GATC: variants seen among roughly 807,000 people sequenced by gnomAD.
GATC encodes glutamyl-tRNA(Gln) amidotransferase subunit C, mitochondrial.
GATC carries 11 observed loss-of-function variants against 14.4 expected under a neutral mutation model. The ratio of observed to expected loss-of-function variants is 0.77; its 90% CI spans 0.48 to 1.27. The LOEUF (loss-of-function observed/expected upper bound fraction) is 1.27, where lower values mean the gene tolerates loss of function less well. Among genes scored for constraint, GATC ranks in the 50% most tolerant of loss-of-function variants. The pLI, the probability that GATC is intolerant of heterozygous loss-of-function variation, is 0.00. For missense variants in GATC, 204 were observed against 183.0 expected (o/e 1.11, Z -0.66); for synonymous variants, 76 against 79.3 (o/e 0.96, Z 0.22).
intron 2 of GATC, among the ~76,000 whole-genome samples, chr12:120,453,076 T>G (rs1008094235): frequency 6.6e-6 from 1 of 152,110 alleles, no homozygotes; most frequent in Admixed American, 6.6e-5. Flanking sequence ...GGAGAAGGCT[T>G]TTAGATGGAA....
In GATC at chr12:120,446,466, C is replaced by A; in HGVS notation, c.-15C>A. The A allele has an allele frequency of 6.2e-7, 1 of 1,604,654 alleles. No homozygotes were observed. The highest frequency in any genetic ancestry group is 8.5e-7 in the Non-Finnish European group (1 of 1,173,592). The stretch of plus-strand genomic sequence containing the variant: ...GTTACGCGCGGGCGCACTGCGGGGG[C>A]CAAGGAAGGAAGAAATGTGGTCGCG... On this transcript the variant is annotated 5_prime_UTR_variant, in exon 1 of 4. Coordinates refer to ENST00000551765, the MANE Select transcript of GATC (RefSeq NM_176818.3).
chr12:120,451,368 A>G (rs1349327239), intron 2 of GATC, among the ~76,000 whole-genome samples: 1 of 150,842 alleles, frequency 6.6e-6, no homozygotes. Context: ...CGGTTGAACC[A>G]GGACGGCAGA....
intron 2 of GATC, among the ~76,000 whole-genome samples, chr12:120,451,160 A>AAAAAG (rs1565913155): frequency 3.6e-5 from 5 of 139,470 alleles, no homozygotes; most frequent in African/African-American, 8.0e-5. Flanking sequence ...AAAAAAAAAA[A>AAAAAG]GGTAGACTGG....
intron 2 of GATC, among the ~76,000 whole-genome samples, chr12:120,450,243 T>C (rs1334341009): frequency 1.3e-5 from 2 of 152,252 alleles, no homozygotes; most frequent in East Asian, 3.8e-4. Flanking sequence ...TCGTATTCAG[T>C]GATCTGTACT....
intron 2 of GATC, among the ~76,000 whole-genome samples, 177 bp from the exon 3 acceptor site, chr12:120,456,899 T>C (rs1026235007): frequency 6.6e-6 from 1 of 152,170 alleles, no homozygotes; most frequent in Non-Finnish European, 1.5e-5. Context: ...GTTCGGTCAA[T>C]CTATAAACTG....
chr12:120,461,122 CA>C lies in GATC; in HGVS notation c.*1164del, dbSNP rs745462687. On this transcript the variant is annotated 3_prime_UTR_variant, in exon 4 of 4. Transcript: ENST00000551765. ...TGCTCATTTTTTTAGTTTTCTGAGA[CA>C]GGGGTCTCCCTCTGTCACCCAGGCT... 6.6e-6 allele frequency: 1 copy of C among 152,046 alleles called. No individual in the cohort carries two copies. Among genetic ancestry groups the C allele is most frequent in the East Asian group, 1.9e-4 (1 of 5,172 alleles). The allele number at this position is 152,046 out of a possible 1,614,324, so 9.4% of individuals were successfully genotyped here. A position where few individuals can be genotyped will look rare whatever the true frequency, so the allele number is the denominator to read the frequency against.
chr12:120,451,876 T>TTTTTTTTTC (rs1878058202), intron 2 of GATC, among the ~76,000 whole-genome samples: 1 of 105,680 alleles, frequency 9.5e-6, no homozygotes, highest in Non-Finnish European at 1.9e-5. Flanking sequence ...ATATAAATTC[T>TTTTTTTTTC]TTTTTTTTTT....
At chr12:120,458,222 G>C (rs186715504) in intron 3 of GATC, among the ~76,000 whole-genome samples, 3 of 151,482 alleles carry the variant, frequency 2.0e-5, no homozygotes, top group Non-Finnish European at 4.4e-5. Context: ...CCGAGTAGCT[G>C]GGATTACAGG....
rs1878391146 is a variant in GATC, at chr12:120,462,934, T to C, written c.*2975T>C. On this transcript the variant is annotated 3_prime_UTR_variant, in exon 4 of 4. Coordinates refer to ENST00000551765, the MANE Select transcript of GATC (RefSeq NM_176818.3). ...TGAGGATCAGGTGCTGTTCTGTTTC[T>C]GCTTCAAATTCAAGTCCTAGAGGAC... The C allele has an allele frequency of 6.6e-6, 1 of 152,362 alleles. No individual in the cohort carries two copies. Among genetic ancestry groups the C allele is most frequent in the Non-Finnish European group, 1.5e-5 (1 of 68,036 alleles). 9.4% of individuals were successfully genotyped at this position (152,362 alleles called of 1,614,324 possible).
At position 120,457,082 on chromosome 12, in the gene GATC, A is replaced by C. The variant is rs749605522; in HGVS notation, c.261A>C (p.Leu87=). The change falls in exon 3 of 4, where the codon CTA becomes CTC. Residue 87 remains leucine (L), a synonymous_variant. Transcript: ENST00000551765. ...GAGCTTCTGGGTTTTGTAGATGTCT[A>C]TACCTGAGATCCGACAATGTGGTAG... ...PMESVLEDRC[L]YLRSDNVVEG... is the part of the protein sequence containing the mutation. The C allele has an allele frequency of 6.2e-7, 1 of 1,612,162 alleles. No individual in the cohort carries two copies. Among genetic ancestry groups the C allele is most frequent in the Non-Finnish European group, 8.5e-7 (1 of 1,178,274 alleles).
chr12:120,455,693 T>C (rs1878164327), intron 2 of GATC, among the ~76,000 whole-genome samples: 1 of 151,938 alleles, frequency 6.6e-6, no homozygotes, highest in Non-Finnish European at 1.5e-5. Flanking sequence ...AACTTAGTTC[T>C]CTTTTTTTTT....
intron 2 of GATC, among the ~76,000 whole-genome samples, chr12:120,449,078 T>A (rs534996889): frequency 1.3e-5 from 2 of 151,642 alleles, no homozygotes; most frequent in South Asian, 4.2e-4. Context: ...TTCTCCTGCC[T>A]CAGCCTCCCA....
In GATC at chr12:120,463,608, G is replaced by A. The variant is rs919034286; in HGVS notation, c.*3649G>A. ...CACAGGAGGGGTAGTTGAGTTCACAGAGGGATACTGCCATTTAAGCTGGTT... is the reference window on the plus strand; with the variant it reads ...CACAGGAGGGGTAGTTGAGTTCACAAAGGGATACTGCCATTTAAGCTGGTT... On this transcript the variant is annotated 3_prime_UTR_variant, in exon 4 of 4. Coordinates refer to ENST00000551765, the MANE Select transcript of GATC (RefSeq NM_176818.3). The A allele has an allele frequency of 1.1e-5, 2 of 177,550 alleles. No homozygotes were observed. Among genetic ancestry groups the A allele is most frequent in the African/African-American group, 2.4e-5 (1 of 42,218 alleles). The allele number at this position is 177,550 out of a possible 1,614,324, so 11.0% of individuals were successfully genotyped here.
chr12:120,453,615 A>G lies in GATC; in HGVS notation c.255-3461A>G, dbSNP rs867314238. Among the ~76,000 whole-genome samples, 3 of 152,138 alleles carry G rather than the reference A, an allele frequency of 2.0e-5. No homozygotes were observed. The South Asian group carries it at 6.2e-4, about 32-fold the overall frequency. Reference sequence around the variant, plus strand: ...GTTTTATATAATTCTGAGGTCCAAGAAAGTGAAGCAACTCACCAAGTGAGA... The same window carrying G: ...GTTTTATATAATTCTGAGGTCCAAGGAAGTGAAGCAACTCACCAAGTGAGA... On this transcript the variant is annotated intron_variant, in intron 2 of 3. Transcript: ENST00000551765.
chr12:120,458,901 C>T (rs1878254880), intron 3 of GATC, among the ~76,000 whole-genome samples: 1 of 152,204 alleles, frequency 6.6e-6, no homozygotes, highest in Admixed American at 6.5e-5. Flanking sequence ...TGCTCTGTTG[C>T]CCAAGCTGGA....
chr12:120,463,297 G>A lies in GATC; in HGVS notation c.*3338G>A, dbSNP rs1303713902. 2 of 152,244 alleles carry A rather than the reference G, an allele frequency of 1.3e-5. No individual in the cohort carries two copies. The highest frequency in any genetic ancestry group is 4.8e-5 in the African/African-American group (2 of 41,464). The allele number at this position is 152,244 out of a possible 1,614,324, so 9.4% of individuals were successfully genotyped here. A position where few individuals can be genotyped will look rare whatever the true frequency, so the allele number is the denominator to read the frequency against. On this transcript the variant is annotated 3_prime_UTR_variant, in exon 4 of 4. Transcript: ENST00000551765. Reference sequence around the variant, plus strand: ...AAATGTTACGGTTTAGCCTGGCACAGTGGTGCATGCCTGCAGTCCCAACTA... The same window carrying A: ...AAATGTTACGGTTTAGCCTGGCACAATGGTGCATGCCTGCAGTCCCAACTA...
intron 2 of GATC, among the ~76,000 whole-genome samples, chr12:120,447,079 TTG>T (rs1877894395): frequency 5.8e-5 from 7 of 120,918 alleles, no homozygotes; most frequent in Non-Finnish European, 9.9e-5. Flanking sequence ...TTTGTTTGTT[TTG>T]TTTTTTTTTT....
chr12:120,447,253 A>G (rs1877901509), intron 2 of GATC, among the ~76,000 whole-genome samples: 1 of 150,914 alleles, frequency 6.6e-6, no homozygotes, highest in African/African-American at 2.4e-5. Context: ...TTTTTTTTGT[A>G]TTTTTAGTAG....
chr12:120,462,238 A>C lies in GATC; in HGVS notation c.*2279A>C. Reference sequence around the variant, plus strand: ...AGAAGAATAAGCAAACCAACATCTAACAATAATAGTTAAGTATTGAGCACT... The same window carrying C: ...AGAAGAATAAGCAAACCAACATCTACCAATAATAGTTAAGTATTGAGCACT... On this transcript the variant is annotated 3_prime_UTR_variant, in exon 4 of 4. Transcript: ENST00000551765. The C allele has an allele frequency of 6.8e-7, 1 of 1,472,994 alleles. No homozygotes were observed. Among genetic ancestry groups the C allele is most frequent in the Non-Finnish European group, 9.2e-7 (1 of 1,085,956 alleles). 91.2% of individuals were successfully genotyped at this position (1,472,994 alleles called of 1,614,324 possible). A position where few individuals can be genotyped will look rare whatever the true frequency, so the allele number is the denominator to read the frequency against.
Sources: gnomAD v4.1 joint callset for allele counts (sites outside exome capture counted in the v4.1 genomes callset) on GRCh38, gnomAD v4.1.1 for gene constraint, MANE v1.5 for transcripts, NCBI Gene and HGNC (gene_info 2026-07-23, HGNC 2026-07-21) for gene names.